Variants in ASIC2 observed in about 807,000 individuals in gnomAD.
ASIC2 encodes the protein acid sensing ion channel subunit 2.
A neutral mutation model predicts 57.3 loss-of-function variants in ASIC2; 25 were observed. The ratio of observed to expected loss-of-function variants is 0.44; its 90% CI spans 0.32 to 0.61. The LOEUF (loss-of-function observed/expected upper bound fraction) is 0.61. Ranked by LOEUF, ASIC2 falls within the 20% of genes least tolerant of loss-of-function variation. The probability of loss-of-function intolerance (pLI) is 0.06; values close to 1 mark genes in which losing one functional copy is unlikely to be tolerated. For synonymous variants in ASIC2, 319 were observed against 307.5 expected, an observed-to-expected ratio of 1.04 and a Z score of -0.39; for missense variants, 641 against 738.1, an observed-to-expected ratio of 0.87 and a Z score of 1.52.
At position 33,801,864 on chromosome 17, in the gene ASIC2, C is replaced by T. The variant is rs140874742; in HGVS notation, c.555+354114G>A. 8.3e-3 allele frequency among the ~76,000 whole-genome samples: 1,264 copies of T among 152,268 alleles called. 22 individuals are homozygous for T. Among genetic ancestry groups the T allele is most frequent in the African/African-American group, 0.029 (1,188 of 41,556 alleles). ...GCCTAGTGCCTACTGTACCGGACAGCACAGACAGAAAGCAACTTGTTTAAC... is the reference window on the plus strand; with the variant it reads ...GCCTAGTGCCTACTGTACCGGACAGTACAGACAGAAAGCAACTTGTTTAAC... On this transcript the variant is annotated intron_variant, in intron 1 of 9. Transcript: ENST00000359872.
chr17:33,827,337 C>CTTTTTTTTTTTTTCTTTTTTTTT (rs375695905), intron 1 of ASIC2, among the ~76,000 whole-genome samples: 1 of 76,536 alleles, frequency 1.3e-5, no homozygotes, highest in Admixed American at 1.5e-4. Flanking sequence ...GCAGCTCACT[C>CTTTTTTTTTTTTTCTTTTTTTTT]TTTTTTTTTT....
chr17:34,123,692 A>G (rs144632987), intron 1 of ASIC2, among the ~76,000 whole-genome samples: 87 of 152,326 alleles, frequency 5.7e-4, no homozygotes, highest in African/African-American at 1.9e-3. Context: ...TGTGAAATGG[A>G]ACAATGGTCT....
intron 1 of ASIC2, among the ~76,000 whole-genome samples, chr17:33,554,389 C>T (rs62057775): frequency 0.23 from 34,510 of 151,594 alleles, 4,698 homozygotes; most frequent in Non-Finnish European, 0.31. Flanking sequence ...TGTGTTTGCA[C>T]GTGTGCACGT....
chr17:34,052,328 A>G (rs888185631), intron 1 of ASIC2, among the ~76,000 whole-genome samples: 3 of 152,194 alleles, frequency 2.0e-5, no homozygotes, highest in African/African-American at 7.2e-5. Context: ...TGATAGTTTC[A>G]GGGACCAAAA....
intron 1 of ASIC2, among the ~76,000 whole-genome samples, chr17:34,131,862 G>C (rs879468463): frequency 2.6e-5 from 4 of 152,212 alleles, no homozygotes; most frequent in Admixed American, 2.0e-4. Flanking sequence ...GTGAAAGCCT[G>C]AGTGCTGGCC....
intron 2 of ASIC2, among the ~76,000 whole-genome samples, chr17:33,098,562 C>T (rs950158499): frequency 2.0e-5 from 3 of 152,136 alleles, no homozygotes; most frequent in Admixed American, 6.5e-5. Flanking sequence ...GATGCAGCAG[C>T]GTTCTTACCA....
At chr17:33,664,233 C>G (rs1907398221) in intron 1 of ASIC2, among the ~76,000 whole-genome samples, 2 of 152,208 alleles carry the variant, frequency 1.3e-5, no homozygotes, top group Non-Finnish European at 2.9e-5. Flanking sequence ...TGACTTTTCA[C>G]CTGGGAAAGT....
intron 1 of ASIC2, among the ~76,000 whole-genome samples, chr17:33,455,402 C>A (rs1912413026): frequency 6.6e-6 from 1 of 152,118 alleles, no homozygotes; most frequent in African/African-American, 2.4e-5. Context: ...CCATGAGTGC[C>A]CAACATTTAG....
intron 1 of ASIC2, among the ~76,000 whole-genome samples, chr17:33,900,631 T>C (rs2141953402): frequency 6.6e-6 from 1 of 152,236 alleles, no homozygotes; most frequent in African/African-American, 2.4e-5. Context: ...AACTCAATGC[T>C]TAGTCTATTT....
intron 1 of ASIC2, among the ~76,000 whole-genome samples, chr17:34,018,456 G>A (rs1907043531): frequency 6.6e-6 from 1 of 152,204 alleles, no homozygotes; most frequent in Non-Finnish European, 1.5e-5. Context: ...ATGAATCAAA[G>A]AGTAATTGTG....
At chr17:33,702,992 G>C (rs936689027) in intron 1 of ASIC2, among the ~76,000 whole-genome samples, 1 of 152,168 alleles carries the variant, frequency 6.6e-6, no homozygotes, top group Non-Finnish European at 1.5e-5. Flanking sequence ...TTGTGCCCAG[G>C]GTAAGGGAAG....
intron 1 of ASIC2, among the ~76,000 whole-genome samples, chr17:33,769,648 T>A (rs914131401): frequency 6.6e-6 from 1 of 152,188 alleles, no homozygotes; most frequent in Non-Finnish European, 1.5e-5. Context: ...CCTTAGCCTA[T>A]CCACAGGGAA....
intron 1 of ASIC2, among the ~76,000 whole-genome samples, chr17:33,191,326 A>T (rs1398224528): frequency 6.6e-6 from 1 of 152,090 alleles, no homozygotes; most frequent in African/African-American, 2.4e-5. Context: ...TGGTGTGGAG[A>T]TGGAAGGAAG....
rs369156450 is a variant in ASIC2, at chr17:33,072,525, G to A, written c.987+16338C>T. Among the ~76,000 whole-genome samples, 5 of 152,262 alleles carry A rather than the reference G, an allele frequency of 3.3e-5. No individual in the cohort carries two copies. In the East Asian group the frequency reaches 5.8e-4, roughly 18 times the overall value. On this transcript the variant is annotated intron_variant, in intron 3 of 9. Coordinates refer to ENST00000225823, the MANE Select transcript of ASIC2 (RefSeq NM_183377.2). Reference sequence around the variant, plus strand: ...GTATCAGGTGGCCCATCTCTACTACGTGTCATTGCTTCTCCATTCAGAAAA... The same window carrying A: ...GTATCAGGTGGCCCATCTCTACTACATGTCATTGCTTCTCCATTCAGAAAA...
intron 1 of ASIC2, among the ~76,000 whole-genome samples, chr17:33,472,102 C>T (rs190749212): frequency 1.3e-5 from 2 of 151,622 alleles, no homozygotes; most frequent in Admixed American, 6.6e-5. Flanking sequence ...TCACTGCAAC[C>T]TCCACCTCCT....
intron 1 of ASIC2, among the ~76,000 whole-genome samples, chr17:34,135,900 G>T (rs141366726): frequency 6.6e-6 from 1 of 151,962 alleles, no homozygotes; most frequent in Non-Finnish European, 1.5e-5. Flanking sequence ...AAATAATAAT[G>T]TGGTCATGTC....
intron 1 of ASIC2, among the ~76,000 whole-genome samples, chr17:34,111,727 A>G (rs1378109277): frequency 6.6e-6 from 1 of 152,226 alleles, no homozygotes; most frequent in African/African-American, 2.4e-5. Flanking sequence ...CCTACAAAAC[A>G]CTGCTTTGGG....
At chr17:33,346,421 CAGT>C (rs1298635925) in intron 1 of ASIC2, among the ~76,000 whole-genome samples, 1 of 151,948 alleles carries the variant, frequency 6.6e-6, no homozygotes, top group Admixed American at 6.6e-5. Context: ...GTCAGCGTAA[CAGT>C]GGTGGTATTT....
At chr17:33,296,233 A>G (rs1185315603), upstream of ASIC2, among the ~76,000 whole-genome samples, 1 of 152,116 alleles carries the variant, frequency 6.6e-6, no homozygotes, top group African/African-American at 2.4e-5. Context: ...TTTTTTCTCT[A>G]CTTTAAAGAG....
Sources: allele counts gnomAD v4.1 joint callset (sites outside exome capture counted in the v4.1 genomes callset), GRCh38; gene constraint gnomAD v4.1.1; transcripts MANE v1.5; gene names NCBI Gene and HGNC (gene_info 2026-07-23, HGNC 2026-07-21).